UBTD2: variants seen among roughly 807,000 people sequenced by gnomAD.
UBTD2 encodes ubiquitin domain containing 2, also known as ubiquitin domain-containing protein 2.
UBTD2 carries 9 observed loss-of-function variants against 19.8 expected under a neutral mutation model. The observed-to-expected ratio is 0.46, with a 90% CI of 0.27 to 0.79. The LOEUF (loss-of-function observed/expected upper bound fraction) is 0.79. Among genes scored for constraint, UBTD2 ranks in the 30% least tolerant of loss-of-function variants. The probability of loss-of-function intolerance (pLI) is 0.14; values close to 1 mark genes in which losing one functional copy is unlikely to be tolerated. For synonymous variants in UBTD2, 98 were observed against 103.9 expected, an observed-to-expected ratio of 0.94 and a Z score of 0.35; for missense variants, 250 against 300.4, an observed-to-expected ratio of 0.83 and a Z score of 1.24.
intron 2 of UBTD2, among the ~76,000 whole-genome samples, chr5:172,232,316 TAAAAA>T (rs10558751): frequency 1.5e-5 from 2 of 132,032 alleles, no homozygotes; most frequent in Non-Finnish European, 1.7e-5. Context: ...CTCACTGTCA[TAAAAA>T]AAAAAAAAAA....
chr5:172,221,500 TATAA>T (rs1771649945), intron 2 of UBTD2, among the ~76,000 whole-genome samples: 1 of 152,094 alleles, frequency 6.6e-6, no homozygotes, highest in African/African-American at 2.4e-5. Context: ...AGACCCTATC[TATAA>T]ATAAATAATA....
chr5:172,257,163 C>A (rs1271326057), intron 1 of UBTD2, among the ~76,000 whole-genome samples: 1 of 152,152 alleles, frequency 6.6e-6, no homozygotes, highest in Non-Finnish European at 1.5e-5. Context: ...CAAGGAGGTC[C>A]CAGTGACTAC....
chr5:172,276,427 CCATG>C (rs1755604541), intron 1 of UBTD2, among the ~76,000 whole-genome samples: 1 of 152,168 alleles, frequency 6.6e-6, no homozygotes, highest in Non-Finnish European at 1.5e-5. Flanking sequence ...AACGATTACC[CCATG>C]CATGTATTGT....
intron 1 of UBTD2, among the ~76,000 whole-genome samples, chr5:172,247,131 GA>G (rs1318596129): frequency 6.6e-6 from 1 of 151,978 alleles, no homozygotes; most frequent in Admixed American, 6.6e-5. Flanking sequence ...AGAGAAGGTA[GA>G]AGTAAAAGGA....
At chr5:172,220,813 A>G (rs565473786) in intron 2 of UBTD2, among the ~76,000 whole-genome samples, 1 of 152,318 alleles carries the variant, frequency 6.6e-6, no homozygotes, top group East Asian at 1.9e-4. Context: ...TACAGATTGG[A>G]AAGGAGAAAA....
rs370112538 is a variant in UBTD2, at chr5:172,235,650, G to A, written c.71-1292C>T. On this transcript the variant is annotated intron_variant, in intron 1 of 2. Coordinates refer to ENST00000393792, the MANE Select transcript of UBTD2 (RefSeq NM_152277.3). The stretch of plus-strand genomic sequence containing the variant: ...TTAGACAATGTTATGTAGTAGTAGC[G>A]CTGGAATAAGCCTGATGCAGCATCC... Among the ~76,000 whole-genome samples the A allele has an allele frequency of 3.9e-4, 59 of 152,238 alleles. No individual in the cohort carries two copies. The East Asian group carries it at 5.8e-3, about 15-fold the overall frequency.
intron 2 of UBTD2, among the ~76,000 whole-genome samples, chr5:172,224,303 T>C (rs1020545374): frequency 1.8e-4 from 27 of 148,396 alleles, no homozygotes; most frequent in Admixed American, 3.3e-4. Flanking sequence ...CATTTCTTTT[T>C]TTTTTTTTTT....
chr5:172,262,964 G>A (rs918158785), intron 1 of UBTD2, among the ~76,000 whole-genome samples: 5 of 152,048 alleles, frequency 3.3e-5, no homozygotes, highest in African/African-American at 1.2e-4. Context: ...TTGAGACAGG[G>A]TCTTGCTCTG....
intron 1 of UBTD2, among the ~76,000 whole-genome samples, chr5:172,277,740 A>G (rs1015402184): frequency 6.6e-6 from 1 of 152,038 alleles, no homozygotes; most frequent in African/African-American, 2.4e-5. Context: ...TTGTACATGA[A>G]AGGACACCAT....
intron 2 of UBTD2, among the ~76,000 whole-genome samples, chr5:172,216,097 G>A (rs1771536824): frequency 1.3e-5 from 2 of 151,996 alleles, no homozygotes; most frequent in African/African-American, 4.8e-5. Flanking sequence ...AACCTGGGAG[G>A]CAGAGGTCGC....
In UBTD2 at chr5:172,212,132, C is replaced by T. The variant is rs760159992; in HGVS notation, c.403G>A (p.Asp135Asn). 1.4e-5 allele frequency: 22 copies of T among 1,614,088 alleles called. 1 individual carries two copies. Among genetic ancestry groups the T allele is most frequent in the South Asian group, 5.5e-5 (5 of 91,082 alleles). The change falls in exon 3 of 3, where the codon GAC becomes AAC. Residue 135 changes from aspartate (D) to asparagine (N), a missense_variant. By Grantham distance (23) the Asp-to-Asn change is conservative. Transcript: ENST00000393792. ...PPINMIEEKSDIETLDIPEPP... is the reference protein window; with the variant it reads ...PPINMIEEKSNIETLDIPEPP... ...TCAGGAATATCCAGAGTCTCTATGT[C>T]GCTCTTTTCCTCTATCATGTTGATT... is the stretch of plus-strand genomic sequence containing the variant.
intron 1 of UBTD2, among the ~76,000 whole-genome samples, chr5:172,275,561 T>C (rs1327838792): frequency 6.6e-6 from 1 of 152,190 alleles, no homozygotes; most frequent in African/African-American, 2.4e-5. Flanking sequence ...TGATTAGAGG[T>C]GATTTTCTTA....
At chr5:172,215,962 G>A (rs1435212442) in intron 2 of UBTD2, among the ~76,000 whole-genome samples, 1 of 152,100 alleles carries the variant, frequency 6.6e-6, no homozygotes, top group Non-Finnish European at 1.5e-5. Context: ...TCAGGAGTTC[G>A]AGACCAGCCT....
intron 2 of UBTD2, among the ~76,000 whole-genome samples, chr5:172,217,387 C>G (rs1771564705): frequency 1.4e-5 from 2 of 147,178 alleles, no homozygotes; most frequent in Admixed American, 1.4e-4. Context: ...CCATTGCACT[C>G]CAGCCTGGGC....
intron 1 of UBTD2, among the ~76,000 whole-genome samples, chr5:172,280,577 A>C (rs927927396): frequency 4.2e-4 from 64 of 151,592 alleles, no homozygotes; most frequent in Admixed American, 3.1e-3. Context: ...GCCTGAGCCC[A>C]AGAGTTCAAG....
At chr5:172,246,736 G>A (rs982528665) in intron 1 of UBTD2, among the ~76,000 whole-genome samples, 6 of 126,446 alleles carry the variant, frequency 4.7e-5, no homozygotes, top group African/African-American at 1.2e-4. Context: ...GAGCCACCAC[G>A]CCCAGCCGAG....
intron 1 of UBTD2, chr5:172,242,361 T>C: frequency 1.0e-6 from 1 of 984,620 alleles, no homozygotes. Flanking sequence ...ATTTATTAGA[T>C]TTATCCAACT....
At chr5:172,232,794 G>A (rs915793341) in intron 2 of UBTD2, among the ~76,000 whole-genome samples, 2 of 152,132 alleles carry the variant, frequency 1.3e-5, no homozygotes, top group Non-Finnish European at 2.9e-5. Context: ...TGAGGTGGGA[G>A]GATCTCTTGA....
chr5:172,247,355 A>C (rs1265023474), intron 1 of UBTD2, among the ~76,000 whole-genome samples: 1 of 152,052 alleles, frequency 6.6e-6, no homozygotes, highest in African/African-American at 2.4e-5. Flanking sequence ...AACTGAGAGA[A>C]TTACAGAAGA....
Sources: allele counts gnomAD v4.1 joint callset (sites outside exome capture counted in the v4.1 genomes callset), GRCh38; gene constraint gnomAD v4.1.1; transcripts MANE v1.5; gene names NCBI Gene and HGNC (gene_info 2026-07-23, HGNC 2026-07-21).